Variants in DLG2 observed in about 807,000 individuals in gnomAD.
The protein encoded by DLG2 is disks large homolog 2.
A neutral mutation model predicts 132.5 loss-of-function variants in DLG2; 45 were observed. The ratio of observed to expected loss-of-function variants is 0.34; its 90% confidence interval spans 0.27 to 0.44. The LOEUF (loss-of-function observed/expected upper bound fraction) is 0.44, where lower values mean the gene tolerates loss of function less well. Among genes scored for constraint, DLG2 ranks in the 20% least tolerant of loss-of-function variants. The probability of loss-of-function intolerance (pLI) is 1.00; values close to 1 mark genes in which losing one functional copy is unlikely to be tolerated. For missense variants in DLG2, 1,045 were observed against 1,196.9 expected (o/e 0.87, Z 1.87); for synonymous variants, 424 against 419.6 (o/e 1.01, Z -0.13).
At chr11:85,305,480 C>T (rs963061501) in intron 3 of DLG2, among the ~76,000 whole-genome samples, 2 of 152,242 alleles carry the variant, frequency 1.3e-5, no homozygotes, top group Middle Eastern at 3.4e-3. Context: ...TCCAGAGAAT[C>T]TGAAATAGGC....
chr11:85,433,189 A>G (rs1565485889), intron 3 of DLG2, among the ~76,000 whole-genome samples: 1 of 152,176 alleles, frequency 6.6e-6, no homozygotes, highest in Non-Finnish European at 1.5e-5. Context: ...GAAAGGAAAA[A>G]TCAATACCAG....
chr11:85,028,826 G>T (rs185657721), intron 6 of DLG2, among the ~76,000 whole-genome samples: 1 of 152,142 alleles, frequency 6.6e-6, no homozygotes, highest in East Asian at 2.0e-4. Flanking sequence ...CCAGGAGGGG[G>T]AGGCCCCCAC....
intron 6 of DLG2, among the ~76,000 whole-genome samples, chr11:84,670,447 C>T (rs532555816): frequency 1.3e-5 from 2 of 152,024 alleles, no homozygotes; most frequent in Non-Finnish European, 2.9e-5. Flanking sequence ...CCCAGGGCTG[C>T]GGGAGATCAA....
chr11:85,267,791 A>C (rs1026879567), intron 4 of DLG2, among the ~76,000 whole-genome samples: 1 of 152,168 alleles, frequency 6.6e-6, no homozygotes, highest in African/African-American at 2.4e-5. Context: ...AATTTAAGCT[A>C]CTTTGAACAT....
intron 6 of DLG2, among the ~76,000 whole-genome samples, chr11:84,681,826 T>TG (rs983892901): frequency 6.7e-6 from 1 of 150,180 alleles, no homozygotes; most frequent in African/African-American, 2.5e-5. Context: ...TGAACCTTAT[T>TG]GAAAAAAAAA....
intron 7 of DLG2, among the ~76,000 whole-genome samples, chr11:84,454,970 G>A (rs2099061517): frequency 6.6e-6 from 1 of 151,322 alleles, no homozygotes; most frequent in African/African-American, 2.4e-5. Flanking sequence ...TGAAATATGT[G>A]CAATTTTATG....
intron 6 of DLG2, among the ~76,000 whole-genome samples, chr11:84,856,073 TCTC>T (rs1381984056): frequency 2.6e-5 from 4 of 152,016 alleles, no homozygotes; most frequent in Non-Finnish European, 5.9e-5. Flanking sequence ...CTTACTAACA[TCTC>T]CTGATGCATT....
chr11:84,931,013 G>T (rs1414437183), intron 6 of DLG2, among the ~76,000 whole-genome samples: 1 of 151,942 alleles, frequency 6.6e-6, no homozygotes, highest in African/African-American at 2.4e-5. Flanking sequence ...CAACCAACAT[G>T]TCACTTATTT....
intron 18 of DLG2, among the ~76,000 whole-genome samples, chr11:83,671,586 A>T (rs1298660572): frequency 6.6e-6 from 1 of 152,206 alleles, no homozygotes; most frequent in Non-Finnish European, 1.5e-5. Flanking sequence ...AGCAAGAAAG[A>T]CCCAACTGGT....
intron 15 of DLG2, among the ~76,000 whole-genome samples, chr11:83,924,758 C>T (rs1202548526): frequency 6.6e-6 from 1 of 152,110 alleles, no homozygotes; most frequent in Non-Finnish European, 1.5e-5. Context: ...AAAGATCTTG[C>T]TCTGCATCCC....
At chr11:83,603,678 T>G (rs1240021417) in intron 19 of DLG2, among the ~76,000 whole-genome samples, 1 of 152,192 alleles carries the variant, frequency 6.6e-6, no homozygotes, top group Non-Finnish European at 1.5e-5. Flanking sequence ...TTTTATCAGT[T>G]TAGTAAATGT....
At chr11:85,114,720 T>A (rs946069023) in intron 5 of DLG2, among the ~76,000 whole-genome samples, 7 of 151,978 alleles carry the variant, frequency 4.6e-5, no homozygotes, top group Admixed American at 3.9e-4. Flanking sequence ...GCTGACCAAT[T>A]ACACCTGAGA....
At chr11:84,186,109 G>T (rs988322) in intron 8 of DLG2, among the ~76,000 whole-genome samples, 111,901 of 152,056 alleles carry the variant, frequency 0.74, 42,393 homozygotes, top group Middle Eastern at 0.86. Context: ...TTTGCCTTTC[G>T]CTTTTCAGCA....
At chr11:84,738,201 T>A (rs756762276) in intron 6 of DLG2, among the ~76,000 whole-genome samples, 15 of 152,052 alleles carry the variant, frequency 9.9e-5, no homozygotes, top group Non-Finnish European at 1.9e-4. Flanking sequence ...AGAACTCCAG[T>A]ATGTAACAAT....
At chr11:84,456,792 G>A (rs7952143) in intron 7 of DLG2, among the ~76,000 whole-genome samples, 58,798 of 150,970 alleles carry the variant, frequency 0.39, 15,614 homozygotes, top group African/African-American at 0.76. Context: ...TGCAAGTTCT[G>A]TGAAGGGAGA....
At chr11:84,985,290 A>G (rs1278824013) in intron 6 of DLG2, among the ~76,000 whole-genome samples, 1 of 152,214 alleles carries the variant, frequency 6.6e-6, no homozygotes, top group Non-Finnish European at 1.5e-5. Flanking sequence ...CTCAGACCAC[A>G]GTGCGTTAAA....
At chr11:85,315,808 G>A (rs917886216) in intron 3 of DLG2, among the ~76,000 whole-genome samples, 2 of 151,974 alleles carry the variant, frequency 1.3e-5, no homozygotes, top group African/African-American at 4.8e-5. Context: ...CTCCCAGGAG[G>A]CTGTGTAGGA....
At chr11:85,004,365 G>C (rs684055) in intron 6 of DLG2, among the ~76,000 whole-genome samples, 1 of 151,918 alleles carries the variant, frequency 6.6e-6, no homozygotes, top group Non-Finnish European at 1.5e-5. Context: ...ATTTCTCCAC[G>C]TCCTCTCCAG....
chr11:84,221,061 C>G (rs1479668521), intron 8 of DLG2, among the ~76,000 whole-genome samples: 1 of 151,544 alleles, frequency 6.6e-6, no homozygotes, highest in Non-Finnish European at 1.5e-5. Flanking sequence ...GCCTCAACCT[C>G]TCAAAGTGTT....
Sources: gnomAD v4.1 joint callset for allele counts (sites outside exome capture counted in the v4.1 genomes callset) on GRCh38, gnomAD v4.1.1 for gene constraint, MANE v1.5 for transcripts, NCBI Gene and HGNC (gene_info 2026-07-23, HGNC 2026-07-21) for gene names.